PACRG: variants seen among roughly 807,000 people sequenced by gnomAD.
PACRG encodes parkin coregulated.
A neutral mutation model predicts 29.7 loss-of-function variants in PACRG; 29 were observed. The ratio of observed to expected loss-of-function variants is 0.98; its 90% CI spans 0.73 to 1.33. PACRG has a LOEUF of 1.33. Ranked by LOEUF, PACRG falls within the 40% of genes most tolerant of loss-of-function variation. The probability of loss-of-function intolerance (pLI) is 0.00; values close to 1 mark genes in which losing one functional copy is unlikely to be tolerated. For missense variants in PACRG, 279 were observed against 316.2 expected (o/e 0.88, Z 0.89); for synonymous variants, 116 against 118.7 (o/e 0.98, Z 0.15).
intron 2 of PACRG, among the ~76,000 whole-genome samples, chr6:163,031,962 A>G (rs1039029266): frequency 2.0e-5 from 3 of 152,256 alleles, no homozygotes; most frequent in Non-Finnish European, 4.4e-5. Context: ...AAACTATTCC[A>G]GTCAAAGCCC....
intron 2 of PACRG, among the ~76,000 whole-genome samples, chr6:162,924,460 G>C (rs979887236): frequency 6.6e-6 from 1 of 152,022 alleles, no homozygotes; most frequent in Non-Finnish European, 1.5e-5. Flanking sequence ...TCCTTGTCTT[G>C]TTCCAGCACT....
intron 4 of PACRG, among the ~76,000 whole-genome samples, chr6:163,181,911 G>T (rs915074209): frequency 6.6e-6 from 1 of 152,080 alleles, no homozygotes; most frequent in Non-Finnish European, 1.5e-5. Context: ...GTTCCACCAC[G>T]CCCCCAGAAT....
At chr6:163,226,479 T>A (rs746571532) in intron 4 of PACRG, among the ~76,000 whole-genome samples, 5 of 152,198 alleles carry the variant, frequency 3.3e-5, no homozygotes, top group Non-Finnish European at 7.4e-5. Context: ...TGTATATAGT[T>A]TTTATTTGTC....
chr6:163,222,807 T>C (rs1219725235), intron 4 of PACRG, among the ~76,000 whole-genome samples: 1 of 152,204 alleles, frequency 6.6e-6, no homozygotes, highest in Admixed American at 6.5e-5. Flanking sequence ...AGTATTAACA[T>C]ATATAAATTA....
intron 1 of PACRG, among the ~76,000 whole-genome samples, chr6:162,780,179 G>A (rs1195606192): frequency 6.6e-6 from 1 of 152,132 alleles, no homozygotes; most frequent in African/African-American, 2.4e-5. Flanking sequence ...AACAAAGTAA[G>A]AAATAGTTCC....
In PACRG at chr6:163,165,878, G is replaced by A. The variant is rs74614544; in HGVS notation, c.613+76470G>A. On this transcript the variant is annotated intron_variant, in intron 4 of 4. Coordinates refer to ENST00000366888, the MANE Select transcript of PACRG (RefSeq NM_001080379.2). ...AGATGAGAATGGGGCGACAGGGGGA[G>A]AGAACGAATGAAAGGGCTTCATTGC... 5.9e-3 allele frequency: 2,065 copies of A among 351,890 alleles called. 44 individuals are homozygous for A. Among genetic ancestry groups the A allele is most frequent in the African/African-American group, 0.039 (1,799 of 46,686 alleles). 21.8% of individuals were successfully genotyped at this position (351,890 alleles called of 1,614,324 possible).
In PACRG at chr6:162,930,841, T is replaced by A. The variant is rs577730419; in HGVS notation, c.291+116560T>A. ...AAATGCTTTTTCAGTATCTACATGG[T>A]TTTTTTCTTGGTACTGTTAATATGA... On this transcript the variant is annotated intron_variant, in intron 2 of 4. Coordinates refer to ENST00000366888, the MANE Select transcript of PACRG (RefSeq NM_001080379.2). 1.6e-4 allele frequency among the ~76,000 whole-genome samples: 25 copies of A among 151,776 alleles called. 1 individual carries two copies. Among genetic ancestry groups the A allele is most frequent in the Admixed American group, 1.5e-3 (23 of 15,230 alleles).
intron 2 of PACRG, among the ~76,000 whole-genome samples, chr6:162,866,729 T>C (rs1055283970): frequency 6.6e-6 from 1 of 152,038 alleles, no homozygotes; most frequent in Admixed American, 6.6e-5. Context: ...ACAGTTACAA[T>C]AAAAGCCTAA....
intron 2 of PACRG, among the ~76,000 whole-genome samples, chr6:162,926,473 GAATAGAGATCTCAGA>G (rs1797449005): frequency 6.6e-6 from 1 of 152,152 alleles, no homozygotes; most frequent in Admixed American, 6.5e-5. Context: ...CACTGAAACA[GAATAGAGATCTCAGA>G]AATAAGACCA....
chr6:162,882,177 CAG>C (rs1388406958), intron 2 of PACRG, among the ~76,000 whole-genome samples: 1 of 141,410 alleles, frequency 7.1e-6, no homozygotes, highest in African/African-American at 2.6e-5. Flanking sequence ...CCACCAAGAC[CAG>C]AGACTGGGGG....
chr6:162,837,423 T>C (rs1035428174), intron 2 of PACRG, among the ~76,000 whole-genome samples: 2 of 152,052 alleles, frequency 1.3e-5, no homozygotes, highest in Non-Finnish European at 2.9e-5. Context: ...GAAGAGGAGA[T>C]AGAATTGGCA....
chr6:162,871,104 G>T (rs2127994034), intron 2 of PACRG, among the ~76,000 whole-genome samples: 1 of 152,314 alleles, frequency 6.6e-6, no homozygotes, highest in South Asian at 2.1e-4. Context: ...TGATGTGGGG[G>T]TGGTAACATA....
chr6:163,035,274 C>T (rs4629663), intron 2 of PACRG, among the ~76,000 whole-genome samples: 4 of 152,044 alleles, frequency 2.6e-5, no homozygotes, highest in South Asian at 2.1e-4. Context: ...GCACTTTGGG[C>T]GGCTGTGGCA....
chr6:162,885,403 G>A (rs928109474), intron 2 of PACRG, among the ~76,000 whole-genome samples: 7 of 151,956 alleles, frequency 4.6e-5, no homozygotes, highest in African/African-American at 1.2e-4. Context: ...CCAAGTAGCT[G>A]GGATTATAGG....
chr6:162,944,927 A>G (rs1798896605), intron 2 of PACRG, among the ~76,000 whole-genome samples: 1 of 152,176 alleles, frequency 6.6e-6, no homozygotes, highest in Admixed American at 6.5e-5. Context: ...TAGCCAAATA[A>G]TAGCTGAAAA....
At chr6:163,035,573 G>T (rs996763193) in intron 2 of PACRG, among the ~76,000 whole-genome samples, 1 of 152,080 alleles carries the variant, frequency 6.6e-6, no homozygotes, top group African/African-American at 2.4e-5. Flanking sequence ...TTGAACTTGG[G>T]AGGCGGAAGT....
At chr6:162,949,504 A>C (rs1241440212) in intron 2 of PACRG, among the ~76,000 whole-genome samples, 9 of 152,230 alleles carry the variant, frequency 5.9e-5, no homozygotes, top group Admixed American at 6.5e-5. Context: ...AGAAGGGAGC[A>C]GTTGAAATAC....
Position 163,193,563 on chromosome 6 carries a change from G to A in PACRG, c.613+104155G>A, listed in dbSNP as rs992257049. The stretch of plus-strand genomic sequence containing the variant: ...CCCAGTGCTATGTGCGGAACAGGGC[G>A]GCATGGTGGCCTCCTGAGAACTGGG... On this transcript the variant is annotated intron_variant, in intron 4 of 4. Transcript: ENST00000366888. Among the ~76,000 whole-genome samples, 5 of 152,178 alleles carry A rather than the reference G, an allele frequency of 3.3e-5. No individual in the cohort carries two copies. In the South Asian group the frequency reaches 6.2e-4, roughly 19 times the overall value.
intron 2 of PACRG, among the ~76,000 whole-genome samples, chr6:163,002,964 T>C (rs1252242850): frequency 6.6e-6 from 1 of 152,148 alleles, no homozygotes; most frequent in Non-Finnish European, 1.5e-5. Context: ...CATGTCCAAA[T>C]TTCTGGCTTC....
Sources: allele counts gnomAD v4.1 joint callset (sites outside exome capture counted in the v4.1 genomes callset), GRCh38; gene constraint gnomAD v4.1.1; transcripts MANE v1.5; gene names NCBI Gene and HGNC (gene_info 2026-07-23, HGNC 2026-07-21).